CDH18: variants seen among roughly 807,000 people sequenced by gnomAD.
CDH18 encodes the protein cadherin-18.
A neutral mutation model predicts 67.9 loss-of-function variants in CDH18; 31 were observed. That is an observed-to-expected ratio of 0.46 (90% CI 0.34 to 0.62). CDH18 has a LOEUF of 0.62. CDH18 is among the 20% of genes least tolerant of loss of function. The pLI, the probability that CDH18 is intolerant of heterozygous loss-of-function variation, is 0.01. For missense variants in CDH18, 890 were observed against 975.5 expected (o/e 0.91, Z 1.17); for synonymous variants, 362 against 347.2 (o/e 1.04, Z -0.48).
intron 2 of CDH18, among the ~76,000 whole-genome samples, chr5:20,133,411 C>T (rs4432889): frequency 0.99 from 151,185 of 152,134 alleles, 75,133 homozygotes; most frequent in Middle Eastern, 1. Context: ...CACGAGAACA[C>T]CATGGGAAAA....
At chr5:20,382,421 G>A (rs1490059526) in intron 1 of CDH18, among the ~76,000 whole-genome samples, 1 of 152,238 alleles carries the variant, frequency 6.6e-6, no homozygotes, top group East Asian at 1.9e-4. Flanking sequence ...GAGTGGTATA[G>A]AATCCTGGAT....
intron 2 of CDH18, among the ~76,000 whole-genome samples, chr5:19,870,117 T>G (rs1786080084): frequency 6.6e-6 from 1 of 152,096 alleles, no homozygotes; most frequent in South Asian, 2.1e-4. Context: ...ATGTGTGAGA[T>G]CTTAAATAGG....
intron 5 of CDH18, among the ~76,000 whole-genome samples, chr5:19,655,532 T>C (rs1388336546): frequency 6.6e-6 from 1 of 152,116 alleles, no homozygotes; most frequent in Non-Finnish European, 1.5e-5. Flanking sequence ...TTTTGTTTAT[T>C]AATATATTTG....
chr5:20,320,807 G>A (rs774453384), intron 1 of CDH18, among the ~76,000 whole-genome samples: 2 of 152,128 alleles, frequency 1.3e-5, no homozygotes, highest in Non-Finnish European at 2.9e-5. Context: ...TGGCCCATGA[G>A]GGGACTGATG....
chr5:19,738,323 A>G (rs1768633411), intron 4 of CDH18, among the ~76,000 whole-genome samples: 1 of 152,096 alleles, frequency 6.6e-6, no homozygotes. Context: ...ATTTTCTTTA[A>G]AAAAGACATT....
chr5:19,780,954 T>C (rs888924552), intron 3 of CDH18, among the ~76,000 whole-genome samples: 6 of 152,200 alleles, frequency 3.9e-5, no homozygotes, highest in African/African-American at 1.4e-4. Flanking sequence ...TGGTTTCCTA[T>C]AGAATAATAT....
chr5:20,360,612 C>A (rs549314650), intron 1 of CDH18, among the ~76,000 whole-genome samples: 1 of 152,118 alleles, frequency 6.6e-6, no homozygotes, highest in Non-Finnish European at 1.5e-5. Context: ...CAAGCAATAG[C>A]CTAAAGCCTG....
At chr5:20,076,955 T>G (rs1279891692) in intron 2 of CDH18, among the ~76,000 whole-genome samples, 1 of 152,206 alleles carries the variant, frequency 6.6e-6, no homozygotes, top group Non-Finnish European at 1.5e-5. Context: ...TATGCATCAT[T>G]GTAAAAATCA....
intron 3 of CDH18, among the ~76,000 whole-genome samples, chr5:19,813,135 T>C (rs994462643): frequency 3.3e-5 from 5 of 152,070 alleles, no homozygotes. Context: ...CACTGGGGCC[T>C]GTTGACGGGT....
intron 2 of CDH18, among the ~76,000 whole-genome samples, chr5:20,214,552 T>C (rs2126405643): frequency 6.6e-6 from 1 of 152,094 alleles, no homozygotes; most frequent in South Asian, 2.1e-4. Flanking sequence ...AACTGTCTGA[T>C]TTTCAACAAA....
At chr5:20,116,715 C>G (rs181818739) in intron 2 of CDH18, among the ~76,000 whole-genome samples, 1 of 151,762 alleles carries the variant, frequency 6.6e-6, no homozygotes, top group Non-Finnish European at 1.5e-5. Context: ...TAAAATATAC[C>G]ATAATCACAA....
chr5:19,755,297 A>G (rs1403018854), intron 3 of CDH18, among the ~76,000 whole-genome samples: 4 of 150,184 alleles, frequency 2.7e-5, no homozygotes, highest in African/African-American at 9.7e-5. Context: ...CAAGAAAAGA[A>G]GAGAGAAAAT....
chr5:19,574,042 CTTAT>C (rs1192153049), intron 7 of CDH18, among the ~76,000 whole-genome samples: 1 of 152,164 alleles, frequency 6.6e-6, no homozygotes. Context: ...ATCACCTCCA[CTTAT>C]TTATTATTTT....
chr5:19,767,886 A>T (rs1773290254), intron 3 of CDH18, among the ~76,000 whole-genome samples: 1 of 152,180 alleles, frequency 6.6e-6, no homozygotes, highest in Non-Finnish European at 1.5e-5. Context: ...GTATATGAGA[A>T]AGAAATGTAT....
chr5:20,039,972 A>T (rs374676261), intron 2 of CDH18, among the ~76,000 whole-genome samples: 1 of 152,294 alleles, frequency 6.6e-6, no homozygotes, highest in East Asian at 1.9e-4. Context: ...AATATTCAGA[A>T]TTTACAAGGA....
intron 2 of CDH18, among the ~76,000 whole-genome samples, chr5:19,862,096 A>G (rs530693537): frequency 6.6e-6 from 1 of 152,296 alleles, no homozygotes; most frequent in Non-Finnish European, 1.5e-5. Flanking sequence ...AGCCCAACAG[A>G]GCAATGAAGA....
At chr5:20,364,243 G>A (rs956697740) in intron 1 of CDH18, among the ~76,000 whole-genome samples, 4 of 151,662 alleles carry the variant, frequency 2.6e-5, no homozygotes, top group Non-Finnish European at 5.9e-5. Flanking sequence ...ACATGTGTAT[G>A]CATGTACAAG....
intron 3 of CDH18, among the ~76,000 whole-genome samples, chr5:19,778,618 C>A (rs1774689557): frequency 6.6e-6 from 1 of 152,118 alleles, no homozygotes; most frequent in Non-Finnish European, 1.5e-5. Context: ...TTCCTCTTTA[C>A]CAGCCTTAAA....
chr5:20,380,857 T>C (rs1303354565), intron 1 of CDH18, among the ~76,000 whole-genome samples: 1 of 152,172 alleles, frequency 6.6e-6, no homozygotes, highest in African/African-American at 2.4e-5. Context: ...CCATCCAATA[T>C]AAATTCTCTA....
Sources: gnomAD v4.1 joint callset for allele counts (sites outside exome capture counted in the v4.1 genomes callset) on GRCh38, gnomAD v4.1.1 for gene constraint, MANE v1.5 for transcripts, NCBI Gene and HGNC (gene_info 2026-07-23, HGNC 2026-07-21) for gene names.